EFNA5: variants seen among roughly 807,000 people sequenced by gnomAD.
EFNA5 encodes ephrin-A5.
Under a neutral mutation model 22.9 loss-of-function variants are expected in EFNA5, and 5 were observed. The ratio of observed to expected loss-of-function variants is 0.22; its 90% confidence interval spans 0.11 to 0.46. EFNA5 has a LOEUF of 0.46. EFNA5 is among the 20% of genes least tolerant of loss of function. The probability of loss-of-function intolerance (pLI) is 0.99; values close to 1 mark genes in which losing one functional copy is unlikely to be tolerated. For missense variants in EFNA5, 237 were observed against 293.3 expected (o/e 0.81, Z 1.40); for synonymous variants, 113 against 112.2 (o/e 1.01, Z -0.04).
At chr5:107,517,655 TTA>T (rs1440211971) in intron 1 of EFNA5, among the ~76,000 whole-genome samples, 2 of 152,198 alleles carry the variant, frequency 1.3e-5, no homozygotes, top group African/African-American at 2.4e-5. Flanking sequence ...TTGCGCTGCA[TTA>T]TGTCTGAATC....
chr5:107,475,270 G>T (rs1750251878), intron 1 of EFNA5, among the ~76,000 whole-genome samples: 1 of 152,184 alleles, frequency 6.6e-6, no homozygotes, highest in Non-Finnish European at 1.5e-5. Context: ...ACAGGTACTG[G>T]TGCAACCCCA....
chr5:107,630,794 T>C (rs879861897), intron 1 of EFNA5, among the ~76,000 whole-genome samples: 36 of 152,320 alleles, frequency 2.4e-4, no homozygotes, highest in Admixed American at 2.2e-3. Flanking sequence ...CACAAATACA[T>C]TGTACAACTG....
chr5:107,429,232 C>T (rs1328956920), intron 1 of EFNA5, among the ~76,000 whole-genome samples: 1 of 152,180 alleles, frequency 6.6e-6, no homozygotes, highest in African/African-American at 2.4e-5. Context: ...CACTTGAGTC[C>T]AGGAGTTTGA....
chr5:107,630,454 C>G (rs577969770), intron 1 of EFNA5, among the ~76,000 whole-genome samples: 1 of 152,136 alleles, frequency 6.6e-6, no homozygotes, highest in East Asian at 1.9e-4. Flanking sequence ...ATTTGCATAT[C>G]TAAATGTATC....
chr5:107,468,302 T>C (rs978356365), intron 1 of EFNA5, among the ~76,000 whole-genome samples: 3 of 152,190 alleles, frequency 2.0e-5, no homozygotes, highest in Non-Finnish European at 4.4e-5. Context: ...TTCTTGGAAA[T>C]AGTCACCCTT....
In EFNA5 at chr5:107,387,788, G is replaced by A; in HGVS notation, c.419-17C>T. Reference sequence around the variant, plus strand: ...TTGCAGAGGCTGTGGGTAACACAGAGAGAGAGCAGGAAAGAAAGAAGAGAA... The same window carrying A: ...TTGCAGAGGCTGTGGGTAACACAGAAAGAGAGCAGGAAAGAAAGAAGAGAA... On this transcript the variant is annotated splice_polypyrimidine_tract_variant and intron_variant, in intron 2 of 4. Coordinates refer to ENST00000333274, the MANE Select transcript of EFNA5 (RefSeq NM_001962.3). The A allele has an allele frequency of 6.4e-7, 1 of 1,567,188 alleles. No individual in the cohort carries two copies. The highest frequency in any genetic ancestry group is 8.8e-7 in the Non-Finnish European group (1 of 1,142,606).
chr5:107,560,852 G>C (rs1210291572), intron 1 of EFNA5, among the ~76,000 whole-genome samples: 1 of 152,166 alleles, frequency 6.6e-6, no homozygotes, highest in African/African-American at 2.4e-5. Flanking sequence ...AGGTGAGGCA[G>C]AGCCAGGAAT....
intron 1 of EFNA5, among the ~76,000 whole-genome samples, chr5:107,495,399 G>A (rs1477712292): frequency 1.3e-5 from 2 of 152,088 alleles, no homozygotes; most frequent in African/African-American, 4.8e-5. Context: ...GAACACATCC[G>A]AACATCAGAA....
At chr5:107,455,261 C>T (rs1195397041) in intron 1 of EFNA5, among the ~76,000 whole-genome samples, 1 of 152,120 alleles carries the variant, frequency 6.6e-6, no homozygotes, top group Admixed American at 6.6e-5. Flanking sequence ...GGTGTACTTG[C>T]CATCAACAAA....
intron 1 of EFNA5, among the ~76,000 whole-genome samples, chr5:107,495,592 T>C (rs1284906541): frequency 6.6e-6 from 1 of 152,230 alleles, no homozygotes; most frequent in Non-Finnish European, 1.5e-5. Flanking sequence ...AAATATCTAT[T>C]GACTCCACAG....
At chr5:107,520,558 T>C (rs1245523358) in intron 1 of EFNA5, among the ~76,000 whole-genome samples, 1 of 152,218 alleles carries the variant, frequency 6.6e-6, no homozygotes, top group Non-Finnish European at 1.5e-5. Context: ...AATTAACTAT[T>C]CTGTCTTTCA....
At position 107,422,660 on chromosome 5, in the gene EFNA5, C is replaced by T. The variant is rs948950878; in HGVS notation, c.418+4557G>A. Among the ~76,000 whole-genome samples, 32 of 152,180 alleles carry T rather than the reference C, an allele frequency of 2.1e-4. 1 individual carries two copies. Among genetic ancestry groups the T allele is most frequent in the Admixed American group, 2.0e-3 (30 of 15,288 alleles). ...AGCTGAGTAGCCAGAATCAGGCAGA[C>T]GGTGGTAGCAGAAGTCAGAGGCCGA... On this transcript the variant is annotated intron_variant, in intron 2 of 4. Coordinates refer to ENST00000333274, the MANE Select transcript of EFNA5 (RefSeq NM_001962.3).
intron 1 of EFNA5, among the ~76,000 whole-genome samples, chr5:107,573,677 A>T (rs912023089): frequency 1.3e-5 from 2 of 152,120 alleles, no homozygotes; most frequent in African/African-American, 2.4e-5. Context: ...TATCCCAGGG[A>T]ATAACATGAT....
intron 1 of EFNA5, among the ~76,000 whole-genome samples, chr5:107,500,627 A>C (rs2112424975): frequency 6.6e-6 from 1 of 152,178 alleles, no homozygotes; most frequent in South Asian, 2.1e-4. Context: ...CCTCTTATAC[A>C]TGTAGCCTGA....
chr5:107,540,349 G>A (rs1418850532), intron 1 of EFNA5, among the ~76,000 whole-genome samples: 1 of 152,108 alleles, frequency 6.6e-6, no homozygotes, highest in East Asian at 1.9e-4. Flanking sequence ...TGCTACGGCT[G>A]TAAAAGAATA....
intron 1 of EFNA5, among the ~76,000 whole-genome samples, chr5:107,657,926 T>C (rs1327735656): frequency 6.6e-6 from 1 of 152,138 alleles, no homozygotes; most frequent in Non-Finnish European, 1.5e-5. Context: ...TACTTGTTAA[T>C]ACAAAGATTT....
In EFNA5 at chr5:107,574,801, T is replaced by G. The variant is rs1313128863; in HGVS notation, c.125+95688A>C. Among the ~76,000 whole-genome samples, 6 of 152,322 alleles carry G rather than the reference T, an allele frequency of 3.9e-5. No homozygotes were observed. In the East Asian group the frequency reaches 1.2e-3, roughly 29 times the overall value. ...AACTTAAAGAAAAAGGCTGGTGAGA[T>G]TCAATTGTGGATGTGAATGCTTGCT... On this transcript the variant is annotated intron_variant, in intron 1 of 4. Coordinates refer to ENST00000333274, the MANE Select transcript of EFNA5 (RefSeq NM_001962.3).
chr5:107,660,212 C>T (rs10069296), intron 1 of EFNA5, among the ~76,000 whole-genome samples: 2,864 of 140,424 alleles, frequency 0.02, 113 homozygotes, highest in African/African-American at 0.07. Context: ...CTAGCAACCA[C>T]AGTGGGAACA....
intron 1 of EFNA5, among the ~76,000 whole-genome samples, chr5:107,438,943 G>T (rs1258406929): frequency 6.6e-6 from 1 of 152,204 alleles, no homozygotes; most frequent in Non-Finnish European, 1.5e-5. Flanking sequence ...CTGTGAGGTG[G>T]AGGAAGCATA....
Sources: allele counts gnomAD v4.1 joint callset (sites outside exome capture counted in the v4.1 genomes callset), GRCh38; gene constraint gnomAD v4.1.1; transcripts MANE v1.5; gene names NCBI Gene and HGNC (gene_info 2026-07-23, HGNC 2026-07-21).